The following KLHL1 variants were observed in gnomAD, a reference collection of about 807,000 sequenced individuals.
The protein encoded by KLHL1 is kelch like family member 1.
A neutral mutation model predicts 77.7 loss-of-function variants in KLHL1; 47 were observed. That is an observed-to-expected ratio of 0.60 (90% confidence interval 0.48 to 0.77). The LOEUF is 0.77. Ranked by LOEUF, KLHL1 falls within the 30% of genes least tolerant of loss-of-function variation. KLHL1 has a pLI of 0.00. For synonymous variants in KLHL1, 360 were observed against 325.2 expected, an observed-to-expected ratio of 1.11 and a Z score of -1.15; for missense variants, 925 against 910.8, an observed-to-expected ratio of 1.02 and a Z score of -0.20.
chr13:69,800,875 A>G (rs543164587), intron 6 of KLHL1, among the ~76,000 whole-genome samples: 1 of 152,298 alleles, frequency 6.6e-6, no homozygotes, highest in South Asian at 2.1e-4. Flanking sequence ...CAAACAGAAT[A>G]CAAGTTAGAG....
intron 7 of KLHL1, among the ~76,000 whole-genome samples, chr13:69,784,718 T>TC (rs1246081884): frequency 6.6e-6 from 1 of 151,302 alleles, no homozygotes; most frequent in African/African-American, 2.4e-5. Flanking sequence ...AGACTTAGAC[T>TC]CCCACACAAT....
rs566007874 is a variant in KLHL1, at chr13:69,720,196, T to G, written c.1803-615A>C. ...TGCTGAAGTTTACTTGATACACTCA[T>G]CTTGCTATAATTATTTTATTAATGA... On this transcript the variant is annotated intron_variant, in intron 8 of 10. Coordinates refer to ENST00000377844, the MANE Select transcript of KLHL1 (RefSeq NM_020866.3). 2.6e-5 allele frequency among the ~76,000 whole-genome samples: 4 copies of G among 152,246 alleles called. No homozygotes were observed. In the East Asian group the frequency reaches 7.7e-4, roughly 29 times the overall value.
At chr13:69,981,703 G>A (rs73512685) in intron 1 of KLHL1, among the ~76,000 whole-genome samples, 21,257 of 151,408 alleles carry the variant, frequency 0.14, 3,031 homozygotes, top group African/African-American at 0.37. Context: ...TTTAAAAAAT[G>A]TTCACATATT....
intron 4 of KLHL1, among the ~76,000 whole-genome samples, chr13:69,899,865 G>A (rs1881795662): frequency 6.6e-6 from 1 of 151,976 alleles, no homozygotes; most frequent in Non-Finnish European, 1.5e-5. Flanking sequence ...AGAATAATTT[G>A]TACTATGAAC....
intron 1 of KLHL1, among the ~76,000 whole-genome samples, chr13:70,031,693 T>G (rs1214600685): frequency 6.6e-6 from 1 of 152,164 alleles, no homozygotes; most frequent in African/African-American, 2.4e-5. Context: ...ACCTAATTAT[T>G]GCTTTTTGAC....
At chr13:69,752,883 C>G (rs1874548355) in intron 7 of KLHL1, among the ~76,000 whole-genome samples, 1 of 152,202 alleles carries the variant, frequency 6.6e-6, no homozygotes, top group African/African-American at 2.4e-5. Context: ...AATACAGCCT[C>G]TCCGCATCCA....
intron 7 of KLHL1, among the ~76,000 whole-genome samples, chr13:69,776,718 C>A (rs1488801269): frequency 6.6e-6 from 1 of 152,002 alleles, no homozygotes; most frequent in East Asian, 1.9e-4. Context: ...AATTAATTTC[C>A]CCAGAAAAAC....
chr13:69,814,506 A>G (rs1035959146), intron 6 of KLHL1, among the ~76,000 whole-genome samples: 2 of 152,188 alleles, frequency 1.3e-5, no homozygotes, highest in Non-Finnish European at 2.9e-5. Flanking sequence ...TGCCTCTGAC[A>G]AAAGGCTAAC....
At chr13:69,888,232 C>G (rs1447106152) in intron 4 of KLHL1, among the ~76,000 whole-genome samples, 3 of 152,128 alleles carry the variant, frequency 2.0e-5, no homozygotes, top group African/African-American at 7.2e-5. Flanking sequence ...CCAAATACCT[C>G]ACAATGTCCT....
At chr13:69,991,485 G>A (rs1368551584) in intron 1 of KLHL1, among the ~76,000 whole-genome samples, 2 of 151,886 alleles carry the variant, frequency 1.3e-5, no homozygotes, top group Non-Finnish European at 2.9e-5. Flanking sequence ...AATCAGAAAT[G>A]ACACAAGAGA....
At chr13:69,930,615 T>C (rs1882969815) in intron 4 of KLHL1, among the ~76,000 whole-genome samples, 1 of 151,858 alleles carries the variant, frequency 6.6e-6, no homozygotes, top group African/African-American at 2.4e-5. Flanking sequence ...AAAGCAAACT[T>C]AACTAATAAA....
chr13:69,778,517 T>A (rs1353260571), intron 7 of KLHL1, among the ~76,000 whole-genome samples: 1 of 152,194 alleles, frequency 6.6e-6, no homozygotes, highest in Non-Finnish European at 1.5e-5. Flanking sequence ...TAATAGAAAA[T>A]TATCAAGACA....
intron 8 of KLHL1, among the ~76,000 whole-genome samples, chr13:69,735,620 C>T (rs1450729594): frequency 6.7e-6 from 1 of 150,084 alleles, no homozygotes; most frequent in Non-Finnish European, 1.5e-5. Context: ...TGAATAACCT[C>T]AGAAAGAAAG....
intron 6 of KLHL1, among the ~76,000 whole-genome samples, chr13:69,821,822 C>G (rs550817195): frequency 1.3e-5 from 2 of 152,096 alleles, no homozygotes; most frequent in Non-Finnish European, 2.9e-5. Context: ...CTATTTTCGA[C>G]TAACTTTTTT....
At chr13:69,829,209 CCCT>C (rs1325475419) in intron 6 of KLHL1, among the ~76,000 whole-genome samples, 1 of 150,032 alleles carries the variant, frequency 6.7e-6, no homozygotes, top group Non-Finnish European at 1.5e-5. Context: ...CACTTCACTC[CCCT>C]ACTACCTCCG....
intron 5 of KLHL1, among the ~76,000 whole-genome samples, chr13:69,845,015 A>T (rs1214024260): frequency 1.3e-5 from 2 of 151,658 alleles, no homozygotes; most frequent in Non-Finnish European, 3.0e-5. Flanking sequence ...AATAGCTAGC[A>T]AGACTAGAAC....
At chr13:69,861,816 T>C (rs1210696912) in intron 5 of KLHL1, among the ~76,000 whole-genome samples, 1 of 119,338 alleles carries the variant, frequency 8.4e-6, no homozygotes, top group Non-Finnish European at 1.8e-5. Flanking sequence ...AAATACAAAA[T>C]TAGCCAGGCT....
intron 4 of KLHL1, among the ~76,000 whole-genome samples, chr13:69,927,745 A>C (rs914677542): frequency 1.3e-5 from 2 of 152,238 alleles, no homozygotes; most frequent in African/African-American, 4.8e-5. Context: ...AATAAAAAAC[A>C]ACAAAAATTA....
chr13:69,785,839 C>T (rs948255265), intron 7 of KLHL1, among the ~76,000 whole-genome samples: 1 of 152,136 alleles, frequency 6.6e-6, no homozygotes, highest in African/African-American at 2.4e-5. Context: ...CCACCGATCC[C>T]ACAGAAATAC....
Sources: gnomAD v4.1 joint callset for allele counts (sites outside exome capture counted in the v4.1 genomes callset) on GRCh38, gnomAD v4.1.1 for gene constraint, MANE v1.5 for transcripts, NCBI Gene and HGNC (gene_info 2026-07-23, HGNC 2026-07-21) for gene names.